The following TMEM135 variants were observed in gnomAD, a reference collection of about 807,000 sequenced individuals.
The protein encoded by TMEM135 is peroxisomal membrane protein 52.
In TMEM135, 30 loss-of-function variants were observed where a neutral mutation model predicts 60.3. The ratio of observed to expected loss-of-function variants is 0.50; its 90% CI spans 0.37 to 0.68. The LOEUF (loss-of-function observed/expected upper bound fraction) is 0.68, where lower values mean the gene tolerates loss of function less well. TMEM135 is among the 30% of genes least tolerant of loss of function. The pLI, the probability that TMEM135 is intolerant of heterozygous loss-of-function variation, is 0.00. For synonymous variants in TMEM135, 190 were observed against 186.7 expected (o/e 1.02, Z -0.14); for missense variants, 468 against 548.8 (o/e 0.85, Z 1.47).
intron 4 of TMEM135, among the ~76,000 whole-genome samples, chr11:87,094,357 T>A (rs1857275360): frequency 6.6e-6 from 1 of 152,210 alleles, no homozygotes; most frequent in South Asian, 2.1e-4. Context: ...TCTTACAGCC[T>A]AGGACCAATT....
At chr11:87,143,625 C>T (rs960551714) in intron 4 of TMEM135, among the ~76,000 whole-genome samples, 5 of 151,966 alleles carry the variant, frequency 3.3e-5, no homozygotes, top group African/African-American at 7.3e-5. Context: ...GGTGTAGAAC[C>T]CTTTCTAGTT....
intron 5 of TMEM135, among the ~76,000 whole-genome samples, chr11:87,187,716 T>C (rs1164549009): frequency 6.6e-6 from 1 of 152,234 alleles, no homozygotes; most frequent in East Asian, 1.9e-4. Flanking sequence ...ATTTTATAAC[T>C]TCAAATCTTA....
At position 87,327,665 on chromosome 11, in the gene TMEM135, G is replaced by A. The variant is rs147146907; in HGVS notation, c.*6332G>A. 1.5e-4 allele frequency: 66 copies of A among 454,000 alleles called. No individual in the cohort carries two copies. The highest frequency in any genetic ancestry group is 1.2e-3 in the African/African-American group (62 of 50,084). The allele number at this position is 454,000 out of a possible 1,614,324, so 28.1% of individuals were successfully genotyped here. On this transcript the variant is annotated 3_prime_UTR_variant, in exon 15 of 15. Transcript: ENST00000305494. ...CATAACCTGGAGACCTTGGGATGCTGGTGGTCTGGCTCAGTACAAGTCCAA... is the reference window on the plus strand; with the variant it reads ...CATAACCTGGAGACCTTGGGATGCTAGTGGTCTGGCTCAGTACAAGTCCAA...
intron 6 of TMEM135, among the ~76,000 whole-genome samples, chr11:87,245,184 G>C (rs1422083196): frequency 6.6e-6 from 1 of 151,096 alleles, no homozygotes; most frequent in Non-Finnish European, 1.5e-5. Flanking sequence ...TTAATCCTGA[G>C]TTCTAATTTG....
At chr11:87,206,297 T>C (rs1196338604) in intron 5 of TMEM135, among the ~76,000 whole-genome samples, 1 of 152,188 alleles carries the variant, frequency 6.6e-6, no homozygotes, top group Non-Finnish European at 1.5e-5. Flanking sequence ...ATGTAGTTGA[T>C]AGAAATTGAA....
At chr11:87,080,204 A>T (rs1220628435) in intron 3 of TMEM135, among the ~76,000 whole-genome samples, 1 of 147,858 alleles carries the variant, frequency 6.8e-6, no homozygotes, top group Admixed American at 6.8e-5. Context: ...CAAGGACAAG[A>T]TCATTGACAG....
intron 4 of TMEM135, among the ~76,000 whole-genome samples, chr11:87,102,370 G>A (rs972448150): frequency 5.0e-4 from 76 of 152,256 alleles, no homozygotes; most frequent in African/African-American, 1.7e-3. Flanking sequence ...GGTTATGGAT[G>A]AACAGCCAGA....
Position 87,318,236 on chromosome 11 carries a change from G to A in TMEM135, c.1176+1G>A. ...CTCTACAGCAATTTGCTTCCAGGCA[G>A]TAAGTATAACTTTTTGAAATGAGAA... On this transcript the variant is annotated splice_donor_variant, in intron 13 of 14. Coordinates refer to ENST00000305494, the MANE Select transcript of TMEM135 (RefSeq NM_022918.4). LOFTEE classifies it high-confidence loss of function. 1 of 1,603,136 alleles carries A rather than the reference G, an allele frequency of 6.2e-7. No homozygotes were observed. The highest frequency in any genetic ancestry group is 1.1e-5 in the South Asian group (1 of 90,880).
intron 5 of TMEM135, among the ~76,000 whole-genome samples, chr11:87,194,463 A>G (rs1162637059): frequency 1.3e-5 from 2 of 152,090 alleles, no homozygotes; most frequent in African/African-American, 2.4e-5. Context: ...CTTTACTACT[A>G]TTTACTTGTA....
At chr11:87,303,964 A>G (rs1942491179) in intron 8 of TMEM135, among the ~76,000 whole-genome samples, 1 of 152,220 alleles carries the variant, frequency 6.6e-6, no homozygotes, top group South Asian at 2.1e-4. Flanking sequence ...ATACTACAGA[A>G]GCAAAGCAAA....
At position 87,324,288 on chromosome 11, in the gene TMEM135, C is replaced by G; in HGVS notation, c.*2955C>G. On this transcript the variant is annotated 3_prime_UTR_variant, in exon 15 of 15. Coordinates refer to ENST00000305494, the MANE Select transcript of TMEM135 (RefSeq NM_022918.4). ...GAGCTTCGTCCACTTGCCTGTGTCA[C>G]AACCTCTCCCTTGGTGCTAATTAGG... 1 of 454,092 alleles carries G rather than the reference C, an allele frequency of 2.2e-6. No individual in the cohort carries two copies. The highest frequency in any genetic ancestry group is 4.4e-6 in the Non-Finnish European group (1 of 226,788). The allele number at this position is 454,092 out of a possible 1,614,324, so 28.1% of individuals were successfully genotyped here.
chr11:87,326,809 A>G lies in TMEM135; in HGVS notation c.*5476A>G. The G allele has an allele frequency of 4.5e-6, 2 of 445,808 alleles. No homozygotes were observed. The highest frequency in any genetic ancestry group is 8.9e-6 in the Non-Finnish European group (2 of 224,878). 27.6% of individuals were successfully genotyped at this position (445,808 alleles called of 1,614,324 possible). A position where few individuals can be genotyped will look rare whatever the true frequency, so the allele number is the denominator to read the frequency against. ...TGAATCTGAGTCGGCAGTTTTTGAT[A>G]GCCTGTCACTGCTCAGGGATAGCAC... On this transcript the variant is annotated 3_prime_UTR_variant, in exon 15 of 15. Coordinates refer to ENST00000305494, the MANE Select transcript of TMEM135 (RefSeq NM_022918.4).
At chr11:87,219,112 A>G (rs924689230) in intron 5 of TMEM135, among the ~76,000 whole-genome samples, 2 of 152,254 alleles carry the variant, frequency 1.3e-5, no homozygotes, top group African/African-American at 4.8e-5. Context: ...ATGCATTTAT[A>G]TGTAGCTAAT....
At chr11:87,256,237 T>C (rs2135396558) in intron 6 of TMEM135, among the ~76,000 whole-genome samples, 1 of 152,330 alleles carries the variant, frequency 6.6e-6, no homozygotes, top group Non-Finnish European at 1.5e-5. Flanking sequence ...ATTCCAACTA[T>C]ATAAACTTAC....
intron 6 of TMEM135, among the ~76,000 whole-genome samples, chr11:87,282,802 C>T (rs542499846): frequency 1.6e-4 from 24 of 152,216 alleles, no homozygotes; most frequent in Non-Finnish European, 2.8e-4. Context: ...CTCCTTGGGC[C>T]TTGGTTTCTT....
At chr11:87,171,237 A>G (rs1939228019) in intron 5 of TMEM135, among the ~76,000 whole-genome samples, 1 of 152,264 alleles carries the variant, frequency 6.6e-6, no homozygotes, top group South Asian at 2.1e-4. Flanking sequence ...TAGGTGCATT[A>G]TAATTATCCA....
chr11:87,073,321 T>C (rs1351552829), intron 3 of TMEM135, among the ~76,000 whole-genome samples: 1 of 152,082 alleles, frequency 6.6e-6, no homozygotes, highest in Non-Finnish European at 1.5e-5. Context: ...GTGTGAGCCA[T>C]CGCACCCGGC....
chr11:87,109,132 T>C (rs1190020066), intron 4 of TMEM135, among the ~76,000 whole-genome samples: 3 of 152,222 alleles, frequency 2.0e-5, no homozygotes, highest in Non-Finnish European at 2.9e-5. Flanking sequence ...TTTGTCGTGA[T>C]GATCATTTTA....
intron 5 of TMEM135, among the ~76,000 whole-genome samples, chr11:87,208,662 A>C (rs957998111): frequency 6.6e-6 from 1 of 152,210 alleles, no homozygotes; most frequent in Non-Finnish European, 1.5e-5. Context: ...TTTCATGAAA[A>C]ATTTCCCAAT....
Sources: gnomAD v4.1 joint callset for allele counts (sites outside exome capture counted in the v4.1 genomes callset) on GRCh38, gnomAD v4.1.1 for gene constraint, MANE v1.5 for transcripts, NCBI Gene and HGNC (gene_info 2026-07-23, HGNC 2026-07-21) for gene names.